Variants in TTC12 observed in about 807,000 individuals in gnomAD.
TTC12 encodes the protein tetratricopeptide repeat domain 12.
A neutral mutation model predicts 90.1 loss-of-function variants in TTC12; 70 were observed. The observed-to-expected ratio is 0.78, with a 90% CI of 0.64 to 0.95. The LOEUF (loss-of-function observed/expected upper bound fraction) is 0.95. Among genes scored for constraint, TTC12 ranks in the 40% least tolerant of loss-of-function variants. TTC12 has a pLI of 0.00. For missense variants in TTC12, 819 were observed against 846.1 expected (o/e 0.97, Z 0.40); for synonymous variants, 296 against 311.5 (o/e 0.95, Z 0.53).
chr11:113,368,539 A>C, downstream of TTC12: 3 of 1,517,582 alleles, frequency 2.0e-6, no homozygotes, highest in Non-Finnish European at 1.8e-6. Context: ...CCGGGATGGA[A>C]CTCCATCACC....
intron 16 of TTC12, among the ~76,000 whole-genome samples, chr11:113,355,773 A>G (rs759486770): frequency 3.9e-5 from 6 of 152,128 alleles, no homozygotes; most frequent in Admixed American, 6.5e-5. Flanking sequence ...TTAATTATAT[A>G]GTTTTGAGTT....
chr11:113,338,730 C>T (rs1948515471), intron 8 of TTC12, 44 bp from the exon 9 acceptor site: 3 of 1,528,672 alleles, frequency 2.0e-6, no homozygotes, highest in African/African-American at 2.7e-5. Context: ...CTCATAATCA[C>T]CTTTACCCCA....
chr11:113,346,547 C>A (rs1555148191), intron 13 of TTC12, among the ~76,000 whole-genome samples: 1 of 152,060 alleles, frequency 6.6e-6, no homozygotes, highest in Non-Finnish European at 1.5e-5. Context: ...AGCTTCACAT[C>A]CTTCTTTAAG....
intron 2 of TTC12, among the ~76,000 whole-genome samples, chr11:113,316,945 CA>C (rs1470428734): frequency 6.6e-6 from 1 of 152,218 alleles, no homozygotes; most frequent in Non-Finnish European, 1.5e-5. Context: ...AACAAGCAAA[CA>C]GACCTTACAT....
intron 12 of TTC12, 120 bp downstream of exon 12, chr11:113,342,045 C>A: frequency 3.8e-6 from 3 of 795,758 alleles, no homozygotes; most frequent in Non-Finnish European, 4.3e-6. Flanking sequence ...GACTTCCGCA[C>A]ACACCCACTC....
intron 21 of TTC12, among the ~76,000 whole-genome samples, chr11:113,371,865 T>G (rs1191096764): frequency 1.3e-5 from 2 of 152,208 alleles, no homozygotes; most frequent in Non-Finnish European, 2.9e-5. Context: ...TTAGGTTTGT[T>G]GTGGGGATTA....
At chr11:113,316,450 G>A (rs1181258758) in intron 2 of TTC12, 135 bp downstream of exon 2, 1 of 428,230 alleles carries the variant, frequency 2.3e-6, no homozygotes, top group African/African-American at 2.0e-5. Flanking sequence ...AAAGAGAAGG[G>A]TATTGAGAAA....
intron 19 of TTC12, among the ~76,000 whole-genome samples, chr11:113,362,857 T>C (rs1950010209): frequency 6.6e-6 from 1 of 152,218 alleles, no homozygotes; most frequent in Non-Finnish European, 1.5e-5. Flanking sequence ...TTGCTACTCA[T>C]GATGCTTTAT....
At chr11:113,322,297 G>T (rs1440278512) in intron 2 of TTC12, among the ~76,000 whole-genome samples, 1 of 152,114 alleles carries the variant, frequency 6.6e-6, no homozygotes, top group Non-Finnish European at 1.5e-5. Flanking sequence ...GAATGGAATA[G>T]GTTGAAAATA....
downstream of TTC12, among the ~76,000 whole-genome samples, chr11:113,370,877 A>G (rs1350847354): frequency 6.6e-6 from 1 of 152,054 alleles, no homozygotes; most frequent in Non-Finnish European, 1.5e-5. Context: ...TCTGTCCCCA[A>G]CTTTATGTTT....
intron 11 of TTC12, among the ~76,000 whole-genome samples, chr11:113,341,333 G>T (rs1948668101): frequency 6.6e-6 from 1 of 152,132 alleles, no homozygotes; most frequent in Non-Finnish European, 1.5e-5. Context: ...TTTCCCACCA[G>T]TTTTTGCCAG....
At chr11:113,330,949 A>T (rs1463450963) in intron 7 of TTC12, among the ~76,000 whole-genome samples, 6 of 152,118 alleles carry the variant, frequency 3.9e-5, no homozygotes, top group African/African-American at 1.4e-4. Context: ...CAGCACACCT[A>T]CCCTAGCCTA....
chr11:113,317,675 G>A (rs1947027866), intron 2 of TTC12, among the ~76,000 whole-genome samples: 1 of 152,066 alleles, frequency 6.6e-6, no homozygotes, highest in Non-Finnish European at 1.5e-5. Context: ...CCATGACCTT[G>A]TCCTTACCTC....
chr11:113,320,195 T>G (rs529670937), intron 2 of TTC12, among the ~76,000 whole-genome samples: 5 of 152,236 alleles, frequency 3.3e-5, no homozygotes, highest in East Asian at 1.9e-4. Context: ...GGTGGTTCCC[T>G]GGCAAAGACC....
At chr11:113,338,319 G>A (rs1948490537) in intron 8 of TTC12, among the ~76,000 whole-genome samples, 1 of 151,986 alleles carries the variant, frequency 6.6e-6, no homozygotes. Flanking sequence ...GGTTCTCTTC[G>A]CAGCTTGTAC....
chr11:113,342,391 G>C (rs1948732115), intron 12 of TTC12, among the ~76,000 whole-genome samples: 1 of 152,072 alleles, frequency 6.6e-6, no homozygotes, highest in South Asian at 2.1e-4. Context: ...TAACTCTTAG[G>C]CTTTTCAAAT....
intron 16 of TTC12, among the ~76,000 whole-genome samples, chr11:113,355,950 A>G (rs1263193065): frequency 2.0e-5 from 3 of 152,240 alleles, no homozygotes; most frequent in Non-Finnish European, 4.4e-5. Flanking sequence ...GTGTATGTAC[A>G]TCAGGCCCAT....
chr11:113,320,414 G>A (rs782807651), intron 2 of TTC12, among the ~76,000 whole-genome samples: 1 of 152,112 alleles, frequency 6.6e-6, no homozygotes, highest in Non-Finnish European at 1.5e-5. Flanking sequence ...GAGGAGGAAT[G>A]TCTGAACGCC....
intron 10 of TTC12, 91 bp downstream of exon 10, chr11:113,339,565 C>A: frequency 2.6e-6 from 3 of 1,155,876 alleles, no homozygotes; most frequent in South Asian, 3.2e-5. Context: ...GAATCCCTCC[C>A]TTCCTTCCAC....
Sources: gnomAD v4.1 joint callset for allele counts (sites outside exome capture counted in the v4.1 genomes callset) on GRCh38, gnomAD v4.1.1 for gene constraint, MANE v1.5 for transcripts, NCBI Gene and HGNC (gene_info 2026-07-23, HGNC 2026-07-21) for gene names.